The following ABCC6 variants were observed in gnomAD, a reference collection of about 807,000 sequenced individuals.
ABCC6 encodes the protein ATP-binding cassette sub-family C member 6.
A neutral mutation model predicts 169.5 loss-of-function variants in ABCC6; 126 were observed. That is an observed-to-expected ratio of 0.74 (90% confidence interval 0.64 to 0.86). The LOEUF is 0.86. Ranked by LOEUF, ABCC6 falls within the 40% of genes least tolerant of loss-of-function variation. ABCC6 has a pLI of 0.00. For missense variants in ABCC6, 1,733 were observed against 1,927.2 expected (o/e 0.90, Z 1.89); for synonymous variants, 752 against 814.7 (o/e 0.92, Z 1.31).
At chr16:16,201,155 T>C (rs1414850242) in intron 9 of ABCC6, among the ~76,000 whole-genome samples, 5 of 152,034 alleles carry the variant, frequency 3.3e-5, no homozygotes, top group Non-Finnish European at 5.9e-5. Context: ...TTAGTAGAGA[T>C]GGGGTTTCGC....
intron 20 of ABCC6, among the ~76,000 whole-genome samples, chr16:16,174,429 G>C (rs2047204650): frequency 6.6e-6 from 1 of 152,060 alleles, no homozygotes; most frequent in Admixed American, 6.6e-5. Context: ...TCTGGTTCAG[G>C]GACTGCCCGA....
chr16:16,202,467 AC>A (rs202246022), intron 8 of ABCC6, among the ~76,000 whole-genome samples: 1 of 151,900 alleles, frequency 6.6e-6, no homozygotes, highest in Non-Finnish European at 1.5e-5. Context: ...TGAAGCCCCG[AC>A]CCCCAGTACC....
At chr16:16,192,418 T>C (rs1303449746) in intron 11 of ABCC6, among the ~76,000 whole-genome samples, 1 of 152,076 alleles carries the variant, frequency 6.6e-6, no homozygotes, top group East Asian at 1.9e-4. Flanking sequence ...AGGTCTCCTC[T>C]GGCTGGGAGT....
intron 9 of ABCC6, 50 bp downstream of exon 9, chr16:16,201,951 A>C (rs748424456): frequency 9.3e-6 from 15 of 1,610,230 alleles, no homozygotes; most frequent in African/African-American, 2.7e-5. Flanking sequence ...CCGCTCAGTG[A>C]TACTGCTTTT....
rs200038324 is a variant in ABCC6, at chr16:16,174,759, A to AC, written c.2666+1151_2666+1152insG. On this transcript the variant is annotated intron_variant, in intron 20 of 30. Transcript: ENST00000205557. ...GCGACAGAGCAAGATTCTGTCTCAA[A>AC]ACCCCCCCCCGCAAAAAACAAAAAA... Among the ~76,000 whole-genome samples, 15 of 84,470 alleles carry AC rather than the reference A, an allele frequency of 1.8e-4. 1 individual carries two copies. The highest frequency in any genetic ancestry group is 9.6e-4 in the South Asian group (1 of 1,042). 55.4% of individuals were successfully genotyped at this position (84,470 alleles called of 152,430 possible).
chr16:16,152,730 G>A (rs2046425044), intron 29 of ABCC6, among the ~76,000 whole-genome samples: 2 of 148,272 alleles, frequency 1.3e-5, no homozygotes, highest in Admixed American at 6.8e-5. Flanking sequence ...GGCGGGGGTG[G>A]GGGTGTGGGG....
Position 16,221,760 on chromosome 16 carries a change from C to A in ABCC6, c.108G>T (p.Gly36=). Reference sequence around the variant, plus strand: ...AGAGGTACATGGGGGGTACCCAGACCCCTGCTGTTCTCAGGAAGCACAGGC... The same window carrying A: ...AGAGGTACATGGGGGGTACCCAGACACCTGCTGTTCTCAGGAAGCACAGGC... The part of the protein sequence containing the change: ...LLSLCFLRTA[G]VWVPPMYLWV... The change falls in exon 2 of 31, where the codon GGG becomes GGT. Residue 36 remains glycine, a synonymous_variant. Transcript: ENST00000205557. 1 of 1,613,558 alleles carries A rather than the reference C, an allele frequency of 6.2e-7. No homozygotes were observed. Among genetic ancestry groups the A allele is most frequent in the Non-Finnish European group, 8.5e-7 (1 of 1,179,690 alleles).
Position 16,188,982 on chromosome 16 carries a change from G to A in ABCC6, c.1636-8C>T, listed in dbSNP as rs766400634. The A allele has an allele frequency of 2.5e-6, 4 of 1,613,722 alleles. No homozygotes were observed. The highest frequency in any genetic ancestry group is 3.4e-6 in the Non-Finnish European group (4 of 1,180,006). ...AAACACCACCAGTGCGACCTGGGGG[G>A]TGGGGGGGACACGTGGGGCAACAGT... On this transcript the variant is annotated splice_region_variant and splice_polypyrimidine_tract_variant and intron_variant, in intron 12 of 30. Coordinates refer to ENST00000205557, the MANE Select transcript of ABCC6 (RefSeq NM_001171.6).
intron 29 of ABCC6, among the ~76,000 whole-genome samples, chr16:16,152,043 T>G (rs1262901407): frequency 1.3e-5 from 2 of 151,370 alleles, no homozygotes; most frequent in Non-Finnish European, 2.9e-5. Context: ...ATACAAAAAA[T>G]TAGCCGGGCG....
At chr16:16,179,857 C>T (rs1418274026) in intron 17 of ABCC6, among the ~76,000 whole-genome samples, 1 of 152,182 alleles carries the variant, frequency 6.6e-6, no homozygotes, top group Non-Finnish European at 1.5e-5. Context: ...TCCCAAAGTG[C>T]TGGGATTACA....
At chr16:16,162,921 A>C in intron 24 of ABCC6, 72 bp downstream of exon 24, 1 of 1,596,004 alleles carries the variant, frequency 6.3e-7, no homozygotes, top group Non-Finnish European at 8.6e-7. Flanking sequence ...CTACCATACA[A>C]TATGACCTCA....
chr16:16,191,838 T>C (rs1251233815), intron 11 of ABCC6, among the ~76,000 whole-genome samples: 2 of 151,558 alleles, frequency 1.3e-5, no homozygotes, highest in African/African-American at 4.8e-5. Context: ...CTTTCTTCCA[T>C]AGTTCACAAA....
intron 20 of ABCC6, 125 bp from the exon 21 acceptor site, chr16:16,173,529 C>G: frequency 8.5e-7 from 1 of 1,182,860 alleles, no homozygotes. Context: ...TTCATTCATT[C>G]ATTTATCTAA....
intron 16 of ABCC6, 101 bp from the exon 17 acceptor site, chr16:16,182,689 G>A: frequency 6.3e-7 from 1 of 1,587,440 alleles, no homozygotes; most frequent in Non-Finnish European, 8.6e-7. Flanking sequence ...TGGGTGAGAG[G>A]TGGAGAGAAT....
At chr16:16,203,006 A>G (rs952760739) in intron 8 of ABCC6, among the ~76,000 whole-genome samples, 2 of 152,182 alleles carry the variant, frequency 1.3e-5, no homozygotes, top group African/African-American at 4.8e-5. Context: ...ACCCACATGG[A>G]GCAGAGACAG....
At position 16,165,866 on chromosome 16, in the gene ABCC6, G is replaced by T. The variant is rs755895436; in HGVS notation, c.3063C>A (p.Phe1021Leu). The T allele has an allele frequency of 2.2e-5, 35 of 1,613,244 alleles. No homozygotes were observed. The South Asian group carries it at 3.1e-4, about 14-fold the overall frequency. ...GCACCACATCCCACAGGAGCCTCTG[G>T]AAGAGCAACCTGGATGCCCGGGCCC... ...LGGARASRLLFQRLLWDVVRS... is the reference protein window; with the variant it reads ...LGGARASRLLLQRLLWDVVRS... The change falls in exon 23 of 31, where the codon TTC (phenylalanine) becomes TTA (leucine). Residue 1021 changes from phenylalanine (F) to leucine (L), a missense_variant. This residue lies in a region of ABCC6 where 1,601 missense variants were observed against 1,635.5 expected (regional missense o/e 0.98). Coordinates refer to ENST00000205557, the MANE Select transcript of ABCC6 (RefSeq NM_001171.6).
At position 16,168,766 on chromosome 16, in the gene ABCC6, G is replaced by A. The variant is rs554800741; in HGVS notation, c.2995+880C>T. Among the ~76,000 whole-genome samples, 8 of 152,220 alleles carry A rather than the reference G, an allele frequency of 5.3e-5. 1 individual carries two copies. The South Asian group carries it at 1.7e-3, about 32-fold the overall frequency. ...CAAACATGCGCACACCCACGTGCAA[G>A]CAAAACTGGGGAAATCACAATGAGA... On this transcript the variant is annotated intron_variant, in intron 22 of 30. Coordinates refer to ENST00000205557, the MANE Select transcript of ABCC6 (RefSeq NM_001171.6).
intron 10 of ABCC6, among the ~76,000 whole-genome samples, chr16:16,197,795 C>T (rs900817198): frequency 5.3e-5 from 8 of 151,376 alleles, no homozygotes; most frequent in African/African-American, 1.9e-4. Context: ...GAATGGAATC[C>T]AGGGTGATGA....
At position 16,165,660 on chromosome 16, in the gene ABCC6, G is replaced by A; in HGVS notation, c.3269C>T (p.Ala1090Val). The A allele has an allele frequency of 2.5e-6, 4 of 1,612,420 alleles. No homozygotes were observed. Residue 1090 changes from alanine (A) to valine (V), a missense_variant, in exon 23 of 31, where the codon GCC becomes GTC. Ala to Val is a moderately conservative substitution (Grantham distance 64). Around this residue, in one of 5 missense-constraint regions of ABCC6, gnomAD observed 1,601 missense variants for 1,635.5 expected, o/e 0.98. Coordinates refer to ENST00000205557, the MANE Select transcript of ABCC6 (RefSeq NM_001171.6). ...GTAGAGGAGAAACAGTGGCAGGATG[G>A]CCACAGTGGCCAGTGGGGTAGCCAC... Reference protein sequence around the residue: ...VAVATPLATVAILPLFLLYAG... With the variant: ...VAVATPLATVVILPLFLLYAG...
Sources: allele counts gnomAD v4.1 joint callset (sites outside exome capture counted in the v4.1 genomes callset), GRCh38; gene constraint gnomAD v4.1.1; regional missense constraint gnomAD v4.1.1; transcripts MANE v1.5; gene names NCBI Gene and HGNC (gene_info 2026-07-23, HGNC 2026-07-21).